The following HNRNPR variants were observed in gnomAD, a reference collection of about 807,000 sequenced individuals.
HNRNPR encodes heterogeneous nuclear ribonucleoprotein R.
In HNRNPR, 4 loss-of-function variants were observed where a neutral mutation model predicts 70.3. The ratio of observed to expected loss-of-function variants is 0.06; its 90% CI spans 0.03 to 0.13. HNRNPR has a LOEUF of 0.13. HNRNPR is among the 10% of genes least tolerant of loss of function. The pLI, the probability that HNRNPR is intolerant of heterozygous loss-of-function variation, is 1.00. For missense variants in HNRNPR, 423 were observed against 788.5 expected (o/e 0.54, Z 5.55); for synonymous variants, 241 against 267.6 (o/e 0.90, Z 0.97).
At chr1:23,334,477 C>T (rs1646383969) in intron 4 of HNRNPR, among the ~76,000 whole-genome samples, 1 of 152,030 alleles carries the variant, frequency 6.6e-6, no homozygotes, top group Non-Finnish European at 1.5e-5. Flanking sequence ...ATCTCGTGAT[C>T]CACCCGACTT....
At position 23,323,625 on chromosome 1, in the gene HNRNPR, G is replaced by T. The variant is rs768404196; in HGVS notation, c.606C>A (p.Ser202=). The T allele has an allele frequency of 6.2e-7, 1 of 1,614,030 alleles. No homozygotes were observed. The part of the protein sequence containing the change: ...WDLRLMMDPL[S]GQNRGYAFIT... ...TAAATGCATACCCTCTATTCTGACCGGACAGTGGATCCATCATAAGACGTA... is the reference window on the plus strand; with the variant it reads ...TAAATGCATACCCTCTATTCTGACCTGACAGTGGATCCATCATAAGACGTA... The change falls in exon 6 of 11, where the codon TCC becomes TCA. Residue 202 remains serine (S), a synonymous_variant. Coordinates refer to ENST00000302271, the MANE Select transcript of HNRNPR (RefSeq NM_005826.5).
At position 23,323,848 on chromosome 1, in the gene HNRNPR, G is replaced by A. The variant is rs573274205; in HGVS notation, c.499-116C>T. ...AGAAGAAGATGGTTAAGAAAGAATGGAAACAATCTGAAACTTACAGTTGAC... is the reference window on the plus strand; with the variant it reads ...AGAAGAAGATGGTTAAGAAAGAATGAAAACAATCTGAAACTTACAGTTGAC... On this transcript the variant is annotated intron_variant, in intron 5 of 10. Coordinates refer to ENST00000302271, the MANE Select transcript of HNRNPR (RefSeq NM_005826.5). 1.7e-3 allele frequency: 1,279 copies of A among 759,446 alleles called. 2 individuals carry two copies. The highest frequency in any genetic ancestry group is 2.2e-3 in the Non-Finnish European group (987 of 447,296). 47.0% of individuals were successfully genotyped at this position (759,446 alleles called of 1,614,324 possible).
chr1:23,341,150 C>T lies in HNRNPR; in HGVS notation c.-9-133G>A, dbSNP rs658915. 1.4e-3 allele frequency: 898 copies of T among 628,296 alleles called. 10 individuals carry two copies. Among genetic ancestry groups the T allele is most frequent in the African/African-American group, 0.013 (708 of 52,786 alleles). The allele number at this position is 628,296 out of a possible 1,614,324, so 38.9% of individuals were successfully genotyped here. ...TCTATCAAAATAATAATTTATTCCTCCTGTGATGTATCTGACCTAAATTGG... is the reference window on the plus strand; with the variant it reads ...TCTATCAAAATAATAATTTATTCCTTCTGTGATGTATCTGACCTAAATTGG... On this transcript the variant is annotated intron_variant, in intron 1 of 10. Coordinates refer to ENST00000302271, the MANE Select transcript of HNRNPR (RefSeq NM_005826.5).
chr1:23,333,101 G>A (rs967683828), intron 5 of HNRNPR, among the ~76,000 whole-genome samples: 6 of 152,112 alleles, frequency 3.9e-5, no homozygotes, highest in African/African-American at 1.2e-4. Flanking sequence ...AGAATCACTT[G>A]AACCCAGGAG....
intron 3 of HNRNPR, chr1:23,338,212 T>C: frequency 3.2e-6 from 1 of 317,322 alleles, no homozygotes; most frequent in Non-Finnish European, 5.7e-6. Flanking sequence ...GTTAAAAAGC[T>C]GAGTAACATG....
intron 8 of HNRNPR, among the ~76,000 whole-genome samples, chr1:23,314,441 T>C (rs1456206500): frequency 6.6e-6 from 1 of 151,958 alleles, no homozygotes; most frequent in African/African-American, 2.4e-5. Context: ...GGATGAAAAA[T>C]TTGCAACATG....
chr1:23,318,978 C>T lies in HNRNPR; in HGVS notation c.812-290G>A, dbSNP rs77427052. Among the ~76,000 whole-genome samples, 882 of 152,266 alleles carry T rather than the reference C, an allele frequency of 5.8e-3. 8 individuals are homozygous for T. The highest frequency in any genetic ancestry group is 0.045 in the East Asian group (234 of 5,178). ...TTTTAGAGCGTTTGATATAACATGA[C>T]TTTATTAAAGCACTAACAAGGATCT... On this transcript the variant is annotated intron_variant, in intron 7 of 10. Coordinates refer to ENST00000302271, the MANE Select transcript of HNRNPR (RefSeq NM_005826.5). The surrounding 1 kb of genome is among the most constrained non-coding windows in gnomAD (Gnocchi z 4.2).
At chr1:23,331,340 T>C (rs1340110664) in intron 5 of HNRNPR, among the ~76,000 whole-genome samples, 2 of 145,676 alleles carry the variant, frequency 1.4e-5, no homozygotes, top group Non-Finnish European at 3.0e-5. Context: ...AGTGGGAAGA[T>C]CACTTCAGCC....
intron 5 of HNRNPR, among the ~76,000 whole-genome samples, chr1:23,328,012 AAG>A (rs1553157841): frequency 9.4e-5 from 14 of 149,670 alleles, no homozygotes; most frequent in African/African-American, 3.0e-4. Flanking sequence ...AAAAAAAAAA[AAG>A]AAAAGAAAAA....
At chr1:23,312,290 A>G (rs1645366624) in intron 9 of HNRNPR, among the ~76,000 whole-genome samples, 1 of 152,218 alleles carries the variant, frequency 6.6e-6, no homozygotes, top group Non-Finnish European at 1.5e-5. Flanking sequence ...TAAATTAAAA[A>G]ATGAAACATC....
At chr1:23,315,116 C>T (rs1242092333) in intron 8 of HNRNPR, among the ~76,000 whole-genome samples, 1 of 151,856 alleles carries the variant, frequency 6.6e-6, no homozygotes, top group Non-Finnish European at 1.5e-5. Flanking sequence ...CCTGTCTCTA[C>T]TAAAAATACA....
chr1:23,317,743 G>A (rs1278240773), intron 8 of HNRNPR, among the ~76,000 whole-genome samples: 1 of 152,096 alleles, frequency 6.6e-6, no homozygotes, highest in Admixed American at 6.5e-5. Flanking sequence ...CAGCACTTTG[G>A]GAGGCCAAGG....
At chr1:23,337,205 G>A (rs955463607) in intron 4 of HNRNPR, among the ~76,000 whole-genome samples, 1 of 152,154 alleles carries the variant, frequency 6.6e-6, no homozygotes, top group Non-Finnish European at 1.5e-5. Flanking sequence ...TACCAGCGAA[G>A]CATCAATAAA....
intron 6 of HNRNPR, among the ~76,000 whole-genome samples, chr1:23,321,894 C>T (rs1196268970): frequency 2.0e-5 from 3 of 152,098 alleles, no homozygotes; most frequent in African/African-American, 7.2e-5. Flanking sequence ...AAAGGACTCA[C>T]TTTATTGTTT....
chr1:23,333,431 T>A (rs1245531925), intron 5 of HNRNPR, 87 bp downstream of exon 5: 2 of 727,660 alleles, frequency 2.7e-6, no homozygotes, highest in Non-Finnish European at 4.8e-6. Context: ...GGATCAAGAA[T>A]TTTCCCCCGT....
At chr1:23,322,280 A>G (rs1385271757) in intron 6 of HNRNPR, among the ~76,000 whole-genome samples, 4 of 151,926 alleles carry the variant, frequency 2.6e-5, no homozygotes, top group Non-Finnish European at 5.9e-5. Context: ...CTGTCATCCA[A>G]GCTGGAGGGC....
intron 2 of HNRNPR, among the ~76,000 whole-genome samples, chr1:23,340,539 G>A (rs1010729207): frequency 3.9e-5 from 6 of 152,260 alleles, no homozygotes; most frequent in African/African-American, 1.4e-4. Context: ...AATGATGACT[G>A]ATTTTGATTA....
intron 5 of HNRNPR, 68 bp from the exon 6 acceptor site, chr1:23,323,800 CT>C (rs1007209727): frequency 0.01 from 11,001 of 1,078,248 alleles, no homozygotes; most frequent in Admixed American, 0.011. Context: ...AGCCTACTGC[CT>C]TTTTTTTTTA....
intron 5 of HNRNPR, among the ~76,000 whole-genome samples, chr1:23,325,304 G>A (rs1233061799): frequency 6.6e-6 from 1 of 152,086 alleles, no homozygotes; most frequent in Non-Finnish European, 1.5e-5. Context: ...AGTAATAATA[G>A]CAATCCAATC....
Sources: allele counts gnomAD v4.1 joint callset (sites outside exome capture counted in the v4.1 genomes callset), GRCh38; gene constraint gnomAD v4.1.1; non-coding constraint Gnocchi (gnomAD v3.1); transcripts MANE v1.5; gene names NCBI Gene and HGNC (gene_info 2026-07-23, HGNC 2026-07-21).